The following COL25A1 variants were observed in gnomAD, a reference collection of about 807,000 sequenced individuals.
COL25A1 encodes the protein collagen type XXV alpha 1 chain.
Under a neutral mutation model 128.4 loss-of-function variants are expected in COL25A1, and 103 were observed. That is an observed-to-expected ratio of 0.80 (90% CI 0.68 to 0.94). COL25A1 has a LOEUF of 0.94. COL25A1 is among the 40% of genes least tolerant of loss of function. The pLI is 0.00. For synonymous variants in COL25A1, 279 were observed against 277.2 expected, an observed-to-expected ratio of 1.01 and a Z score of -0.06; for missense variants, 745 against 840.0, an observed-to-expected ratio of 0.89 and a Z score of 1.40.
intron 3 of COL25A1, among the ~76,000 whole-genome samples, chr4:109,209,908 A>T: frequency 6.6e-6 from 1 of 151,882 alleles, no homozygotes; most frequent in Middle Eastern, 3.4e-3. Flanking sequence ...AAAATTAGCC[A>T]GGCGTAATGG....
At chr4:109,211,988 C>A (rs1329957464) in intron 3 of COL25A1, among the ~76,000 whole-genome samples, 3 of 152,100 alleles carry the variant, frequency 2.0e-5, no homozygotes, top group Non-Finnish European at 2.9e-5. Flanking sequence ...CTTGGAGTAA[C>A]TAACTCTGAG....
intron 6 of COL25A1, among the ~76,000 whole-genome samples, chr4:108,988,485 AAGTC>A (rs1753859571): frequency 6.6e-6 from 1 of 152,204 alleles, no homozygotes; most frequent in African/African-American, 2.4e-5. Flanking sequence ...TCATGACACT[AAGTC>A]AGGAGAGTTA....
At chr4:109,036,149 G>A (rs1432045684) in intron 5 of COL25A1, among the ~76,000 whole-genome samples, 2 of 151,892 alleles carry the variant, frequency 1.3e-5, no homozygotes, top group African/African-American at 4.8e-5. Flanking sequence ...GGATGGTCTC[G>A]ATCTCCTGAC....
At chr4:109,254,130 C>T (rs1780879311) in intron 3 of COL25A1, among the ~76,000 whole-genome samples, 1 of 150,208 alleles carries the variant, frequency 6.7e-6, no homozygotes, top group African/African-American at 2.4e-5. Flanking sequence ...ACAAAGGAAG[C>T]AAAAACCCTG....
intron 11 of COL25A1, among the ~76,000 whole-genome samples, chr4:108,936,043 C>A (rs72668385): frequency 0.18 from 27,900 of 151,956 alleles, 2,734 homozygotes; most frequent in Non-Finnish European, 0.21. Flanking sequence ...TGTGTTTTCA[C>A]CATTTTCCAA....
chr4:109,190,736 C>T (rs1325594308), intron 3 of COL25A1, among the ~76,000 whole-genome samples: 1 of 152,194 alleles, frequency 6.6e-6, no homozygotes. Context: ...ATCAGTTACA[C>T]AGAAGAGGCT....
chr4:109,133,878 A>T (rs1034974203), intron 3 of COL25A1, among the ~76,000 whole-genome samples: 1 of 152,232 alleles, frequency 6.6e-6, no homozygotes, highest in African/African-American at 2.4e-5. Flanking sequence ...ATTAGGAGAG[A>T]TAGAAAAGAA....
intron 10 of COL25A1, among the ~76,000 whole-genome samples, chr4:108,938,615 G>T (rs1242884198): frequency 6.6e-6 from 1 of 152,150 alleles, no homozygotes; most frequent in Non-Finnish European, 1.5e-5. Context: ...TTTCCACTTT[G>T]GGAGGCCGAG....
intron 3 of COL25A1, among the ~76,000 whole-genome samples, chr4:109,179,119 C>T (rs1029765282): frequency 6.6e-6 from 1 of 152,074 alleles, no homozygotes; most frequent in Non-Finnish European, 1.5e-5. Context: ...AAATCTTATC[C>T]TCAACTTCCT....
At chr4:109,030,326 T>C (rs567173155) in intron 5 of COL25A1, among the ~76,000 whole-genome samples, 14 of 152,254 alleles carry the variant, frequency 9.2e-5, no homozygotes, top group Admixed American at 1.3e-4. Flanking sequence ...AGCTGCCCCA[T>C]CATTCCCATC....
chr4:109,049,517 T>G (rs928011383), intron 4 of COL25A1, among the ~76,000 whole-genome samples: 4 of 152,342 alleles, frequency 2.6e-5, no homozygotes, highest in African/African-American at 9.6e-5. Flanking sequence ...AGTTTTGCCT[T>G]GGCCAAATCA....
At chr4:109,142,177 G>A (rs1442242431) in intron 3 of COL25A1, among the ~76,000 whole-genome samples, 4 of 151,994 alleles carry the variant, frequency 2.6e-5, no homozygotes, top group Non-Finnish European at 5.9e-5. Context: ...CCTTAATTTC[G>A]TTATTTACCC....
chr4:109,251,776 A>G (rs1780663886), intron 3 of COL25A1, among the ~76,000 whole-genome samples: 1 of 152,240 alleles, frequency 6.6e-6, no homozygotes, highest in African/African-American at 2.4e-5. Context: ...ATAGTGAGTG[A>G]TGCCAATCCC....
At chr4:109,097,663 T>A (rs1022142301) in intron 3 of COL25A1, among the ~76,000 whole-genome samples, 1 of 82,742 alleles carries the variant, frequency 1.2e-5, no homozygotes, top group Non-Finnish European at 2.1e-5. Context: ...TAAACATCAA[T>A]TTTTTTTTTT....
chr4:109,258,795 C>T (rs1053295845), intron 3 of COL25A1, among the ~76,000 whole-genome samples: 2 of 152,094 alleles, frequency 1.3e-5, no homozygotes, highest in Non-Finnish European at 2.9e-5. Flanking sequence ...TAACTCCAAG[C>T]ATTTGTTCTT....
At chr4:109,077,343 A>G (rs1161260535) in intron 3 of COL25A1, among the ~76,000 whole-genome samples, 1 of 152,134 alleles carries the variant, frequency 6.6e-6, no homozygotes, top group Non-Finnish European at 1.5e-5. Flanking sequence ...GGGATAAACT[A>G]TCAGCTTGTG....
chr4:109,170,557 A>T (rs1773492228), intron 3 of COL25A1, among the ~76,000 whole-genome samples: 1 of 152,052 alleles, frequency 6.6e-6, no homozygotes, highest in Non-Finnish European at 1.5e-5. Context: ...ATCTGAACTT[A>T]TTCTAACTCA....
intron 13 of COL25A1, among the ~76,000 whole-genome samples, chr4:108,901,793 G>C (rs552382028): frequency 6.6e-6 from 1 of 152,168 alleles, no homozygotes; most frequent in Admixed American, 6.6e-5. Context: ...GGCAAAAGAT[G>C]ATGGCTATTA....
At chr4:108,917,232 G>A in intron 13 of COL25A1, among the ~76,000 whole-genome samples, 1 of 152,250 alleles carries the variant, frequency 6.6e-6, no homozygotes, top group African/African-American at 2.4e-5. Flanking sequence ...CTTATTGATA[G>A]AAAGAAAAGA....
Sources: allele counts gnomAD v4.1 joint callset (sites outside exome capture counted in the v4.1 genomes callset), GRCh38; gene constraint gnomAD v4.1.1; transcripts MANE v1.5; gene names NCBI Gene and HGNC (gene_info 2026-07-23, HGNC 2026-07-21).